Variants in TEAD1 observed in about 807,000 individuals in gnomAD.
TEAD1 encodes the protein TEA domain transcription factor 1.
Under a neutral mutation model 54.9 loss-of-function variants are expected in TEAD1, and 9 were observed. The observed-to-expected ratio is 0.16, with a 90% CI of 0.10 to 0.29. The LOEUF (loss-of-function observed/expected upper bound fraction) is 0.29. Ranked by LOEUF, TEAD1 falls within the 10% of genes least tolerant of loss-of-function variation. The pLI is 1.00. For synonymous variants in TEAD1, 200 were observed against 187.8 expected, an observed-to-expected ratio of 1.07 and a Z score of -0.53; for missense variants, 387 against 535.9, an observed-to-expected ratio of 0.72 and a Z score of 2.74.
intron 2 of TEAD1, among the ~76,000 whole-genome samples, chr11:12,717,014 T>C (rs1944077613): frequency 6.6e-6 from 1 of 152,178 alleles, no homozygotes; most frequent in Non-Finnish European, 1.5e-5. Context: ...CTGCCCACAA[T>C]GTGGGTACCA....
At chr11:12,730,621 G>T (rs1264388630) in intron 2 of TEAD1, among the ~76,000 whole-genome samples, 2 of 150,506 alleles carry the variant, frequency 1.3e-5, no homozygotes, top group African/African-American at 4.9e-5. Context: ...AACTTTAAAG[G>T]TCTTTCAGGA....
intron 3 of TEAD1, among the ~76,000 whole-genome samples, chr11:12,856,138 T>C (rs1947373196): frequency 6.6e-6 from 1 of 151,412 alleles, no homozygotes; most frequent in Non-Finnish European, 1.5e-5. Flanking sequence ...TCCTTTTTTT[T>C]TTTTTTTAAC....
In TEAD1 at chr11:12,722,773, G is replaced by T. The variant is rs112085041; in HGVS notation, c.-54-41406G>T. Reference sequence around the variant, plus strand: ...ACAACTGTTTTCATTTTAACTTTTAGCCCTTGTCTGTATGCAGGCATGTTT... The same window carrying T: ...ACAACTGTTTTCATTTTAACTTTTATCCCTTGTCTGTATGCAGGCATGTTT... On this transcript the variant is annotated intron_variant, in intron 2 of 12. Transcript: ENST00000527636. Among the ~76,000 whole-genome samples, 309 of 151,318 alleles carry T rather than the reference G, an allele frequency of 2.0e-3. 5 individuals carry two copies. In the East Asian group the frequency reaches 0.021, roughly 10 times the overall value.
intron 6 of TEAD1, among the ~76,000 whole-genome samples, chr11:12,880,073 GAA>G (rs1375107713): frequency 1.3e-5 from 2 of 151,894 alleles, no homozygotes; most frequent in South Asian, 4.1e-4. Context: ...AGGAAGAAAA[GAA>G]AAAAGGAAAA....
intron 3 of TEAD1, among the ~76,000 whole-genome samples, chr11:12,856,498 G>A (rs990710304): frequency 6.6e-6 from 1 of 152,126 alleles, no homozygotes; most frequent in Non-Finnish European, 1.5e-5. Flanking sequence ...AAATGGGCAA[G>A]GACAGTACAG....
At chr11:12,845,457 A>G (rs1481092456) in intron 3 of TEAD1, among the ~76,000 whole-genome samples, 2 of 152,200 alleles carry the variant, frequency 1.3e-5, no homozygotes, top group Non-Finnish European at 2.9e-5. Context: ...GTTAATGTGT[A>G]GGGAATTCAG....
intron 2 of TEAD1, among the ~76,000 whole-genome samples, chr11:12,724,962 G>A (rs183359045): frequency 4.4e-4 from 67 of 152,336 alleles, no homozygotes; most frequent in Non-Finnish European, 5.9e-4. Context: ...TGAGGCTGTG[G>A]ATTCTGGGGC....
At chr11:12,749,813 C>T (rs1944828858) in intron 2 of TEAD1, among the ~76,000 whole-genome samples, 1 of 146,030 alleles carries the variant, frequency 6.8e-6, no homozygotes, top group South Asian at 2.1e-4. Context: ...ACAGTAGTTA[C>T]TCACTTATCC....
In TEAD1 at chr11:12,901,440, G is replaced by C. The variant is rs536335225; in HGVS notation, c.700-500G>C. Among the ~76,000 whole-genome samples the C allele has an allele frequency of 3.9e-5, 6 of 152,298 alleles. No homozygotes were observed. The East Asian group carries it at 1.2e-3, about 29-fold the overall frequency. On this transcript the variant is annotated intron_variant, in intron 9 of 12. Transcript: ENST00000527636. ...GGTTACTAAGGGGACTGGTGACAAA[G>C]AGGCTCAGCACTCTTATTCCTGCTG...
intron 2 of TEAD1, among the ~76,000 whole-genome samples, chr11:12,728,683 G>A (rs928886437): frequency 1.3e-5 from 2 of 152,148 alleles, no homozygotes; most frequent in African/African-American, 4.8e-5. Context: ...TGTCTTTGAG[G>A]AGATGTTTGA....
At chr11:12,925,552 C>T (rs1948890512) in intron 11 of TEAD1, among the ~76,000 whole-genome samples, 1 of 152,178 alleles carries the variant, frequency 6.6e-6, no homozygotes, top group South Asian at 2.1e-4. Context: ...CTTCTTTTTC[C>T]TGTTAACTTC....
chr11:12,769,193 A>T (rs1332758325), intron 3 of TEAD1, among the ~76,000 whole-genome samples: 1 of 152,222 alleles, frequency 6.6e-6, no homozygotes, highest in Non-Finnish European at 1.5e-5. Flanking sequence ...ACTACTGGTC[A>T]GCCCCAGAGA....
At chr11:12,738,078 C>T (rs2133888451) in intron 2 of TEAD1, among the ~76,000 whole-genome samples, 1 of 152,286 alleles carries the variant, frequency 6.6e-6, no homozygotes, top group South Asian at 2.1e-4. Flanking sequence ...CCCCATGATT[C>T]ACTTATCTCC....
chr11:12,881,479 G>A (rs148536636), intron 7 of TEAD1, among the ~76,000 whole-genome samples: 1 of 152,228 alleles, frequency 6.6e-6, no homozygotes, highest in Non-Finnish European at 1.5e-5. Flanking sequence ...TCAGTAAACT[G>A]GAAATAAGGG....
At chr11:12,727,894 C>A (rs1404635967) in intron 2 of TEAD1, among the ~76,000 whole-genome samples, 3 of 148,678 alleles carry the variant, frequency 2.0e-5, no homozygotes, top group African/African-American at 7.4e-5. Context: ...ATATCCATAT[C>A]TTTTTTTTTT....
At chr11:12,828,478 C>G (rs116135108) in intron 3 of TEAD1, 2 of 152,164 alleles carry the variant, frequency 1.3e-5, no homozygotes, top group Non-Finnish European at 2.9e-5. Flanking sequence ...CCGGGCAGAC[C>G]TCTCTCCTTT....
At chr11:12,788,800 G>A (rs1470401859) in intron 3 of TEAD1, among the ~76,000 whole-genome samples, 2 of 152,230 alleles carry the variant, frequency 1.3e-5, no homozygotes, top group Admixed American at 6.5e-5. Context: ...ATCTATATGT[G>A]TATAATTTAA....
intron 2 of TEAD1, among the ~76,000 whole-genome samples, chr11:12,745,247 G>A (rs1944723491): frequency 6.6e-6 from 1 of 152,204 alleles, no homozygotes; most frequent in Non-Finnish European, 1.5e-5. Flanking sequence ...GTCAATGCTG[G>A]TTGATAATTG....
intron 3 of TEAD1, among the ~76,000 whole-genome samples, chr11:12,815,493 A>G (rs552094578): frequency 1.3e-5 from 2 of 152,358 alleles, no homozygotes; most frequent in Non-Finnish European, 2.9e-5. Context: ...AATGGACCCA[A>G]GCTGCAAAAA....
Sources: gnomAD v4.1 joint callset for allele counts (sites outside exome capture counted in the v4.1 genomes callset) on GRCh38, gnomAD v4.1.1 for gene constraint, MANE v1.5 for transcripts, NCBI Gene and HGNC (gene_info 2026-07-23, HGNC 2026-07-21) for gene names.